KIAA1328: variants seen among roughly 807,000 people sequenced by gnomAD.
The protein encoded by KIAA1328 is protein hinderin.
Under a neutral mutation model 68.1 loss-of-function variants are expected in KIAA1328, and 52 were observed. The observed-to-expected ratio is 0.76, with a 90% CI of 0.61 to 0.96. The LOEUF is 0.96. KIAA1328 is among the 40% of genes least tolerant of loss of function. The pLI is 0.00. For synonymous variants in KIAA1328, 232 were observed against 239.4 expected, an observed-to-expected ratio of 0.97 and a Z score of 0.28; for missense variants, 641 against 677.6, an observed-to-expected ratio of 0.95 and a Z score of 0.60.
rs760642632 is a variant in KIAA1328 at position 36,835,394 on chromosome 18, C to T, written c.237+18C>T. ...ATGAACAGGTTAGTATTTTTTTCGT[C>T]TTTTTTTTTCCTTGCTCTCCAGTCT... On this transcript the variant is annotated intron_variant, in intron 3 of 9. Coordinates refer to ENST00000280020, the MANE Select transcript of KIAA1328 (RefSeq NM_020776.3). 6.3e-7 allele frequency: 1 copy of T among 1,580,050 alleles called. No individual in the cohort carries two copies. Among genetic ancestry groups the T allele is most frequent in the South Asian group, 1.2e-5 (1 of 86,572 alleles).
intron 9 of KIAA1328, among the ~76,000 whole-genome samples, chr18:37,205,874 T>G (rs571330752): frequency 6.6e-6 from 1 of 152,356 alleles, no homozygotes; most frequent in East Asian, 1.9e-4. Context: ...GGTAAAGGTT[T>G]ACTCAGGTTT....
intron 5 of KIAA1328, among the ~76,000 whole-genome samples, chr18:36,926,459 A>G (rs960843322): frequency 3.9e-5 from 6 of 152,028 alleles, no homozygotes; most frequent in African/African-American, 1.4e-4. Context: ...CCATTCTCAC[A>G]CATCGTATCA....
chr18:36,831,348 A>T (rs1182890315), intron 1 of KIAA1328, among the ~76,000 whole-genome samples: 2 of 152,092 alleles, frequency 1.3e-5, no homozygotes, highest in Non-Finnish European at 2.9e-5. Flanking sequence ...TCTCCTGCAC[A>T]GTATGATTCA....
At chr18:36,966,352 C>T (rs1174461923) in intron 6 of KIAA1328, among the ~76,000 whole-genome samples, 1 of 152,134 alleles carries the variant, frequency 6.6e-6, no homozygotes, top group Non-Finnish European at 1.5e-5. Context: ...ATGTGTATTT[C>T]CTTTTCCTTA....
chr18:36,972,652 A>G (rs2052274984), intron 6 of KIAA1328, among the ~76,000 whole-genome samples: 1 of 152,240 alleles, frequency 6.6e-6, no homozygotes, highest in South Asian at 2.1e-4. Context: ...TACATAAAAA[A>G]GAAACAGCAA....
intron 5 of KIAA1328, among the ~76,000 whole-genome samples, chr18:36,928,945 T>G (rs758957926): frequency 3.9e-5 from 6 of 152,218 alleles, no homozygotes; most frequent in Non-Finnish European, 5.9e-5. Context: ...TGCCTTAATT[T>G]CAAGTTCTTA....
chr18:36,982,179 CTG>C (rs2052722793), intron 6 of KIAA1328, among the ~76,000 whole-genome samples: 2 of 141,962 alleles, frequency 1.4e-5, no homozygotes, highest in Non-Finnish European at 3.0e-5. Context: ...ATATATATAA[CTG>C]GAGTTCCTGA....
chr18:37,030,005 A>G (rs1288505143), intron 6 of KIAA1328, among the ~76,000 whole-genome samples: 1 of 152,210 alleles, frequency 6.6e-6, no homozygotes, highest in Non-Finnish European at 1.5e-5. Context: ...TTCAGCATGC[A>G]TAACATTCCT....
intron 6 of KIAA1328, among the ~76,000 whole-genome samples, chr18:36,971,178 C>T (rs1228583726): frequency 6.6e-6 from 1 of 152,162 alleles, no homozygotes; most frequent in South Asian, 2.1e-4. Flanking sequence ...TTTGACAAAC[C>T]TGACAAAAGC....
At chr18:36,832,457 C>T (rs1015694572) in intron 1 of KIAA1328, among the ~76,000 whole-genome samples, 14 of 151,774 alleles carry the variant, frequency 9.2e-5, no homozygotes, top group East Asian at 1.9e-4. Flanking sequence ...GGTGTGGCGG[C>T]GGGCACCTGT....
intron 9 of KIAA1328, among the ~76,000 whole-genome samples, chr18:37,218,822 G>C (rs1298963148): frequency 6.6e-6 from 1 of 152,168 alleles, no homozygotes; most frequent in African/African-American, 2.4e-5. Context: ...CTGTCAACTT[G>C]TCAAAGTTAT....
At chr18:36,913,435 T>C (rs944416657) in intron 5 of KIAA1328, among the ~76,000 whole-genome samples, 4 of 149,148 alleles carry the variant, frequency 2.7e-5, no homozygotes, top group African/African-American at 9.8e-5. Context: ...GATAAGAGGC[T>C]CTTCCATAAA....
At chr18:37,056,314 A>G (rs953691022) in intron 6 of KIAA1328, among the ~76,000 whole-genome samples, 2 of 152,170 alleles carry the variant, frequency 1.3e-5, no homozygotes, top group African/African-American at 4.8e-5. Context: ...TGTATTTTTA[A>G]AATTATCTTA....
At chr18:37,219,766 C>T (rs2060521500) in intron 9 of KIAA1328, among the ~76,000 whole-genome samples, 2 of 152,170 alleles carry the variant, frequency 1.3e-5, no homozygotes, top group Non-Finnish European at 2.9e-5. Flanking sequence ...GGGAAGTCCC[C>T]CGACCCCTTG....
In KIAA1328 at chr18:37,222,382, C is replaced by A. The variant is rs1300700018; in HGVS notation, c.*155C>A. On this transcript the variant is annotated 3_prime_UTR_variant, in exon 10 of 10. Transcript: ENST00000280020. ...GTATTGAATATAGAAATCATTCTAA[C>A]AACCCAGGTTATTTTCAATCAGACC... 4.8e-6 allele frequency: 7 copies of A among 1,446,010 alleles called. No homozygotes were observed. Among genetic ancestry groups the A allele is most frequent in the Non-Finnish European group, 6.3e-6 (7 of 1,107,256 alleles). 89.6% of individuals were successfully genotyped at this position (1,446,010 alleles called of 1,614,324 possible).
chr18:36,958,256 T>C (rs1184874638), intron 5 of KIAA1328, among the ~76,000 whole-genome samples: 1 of 152,196 alleles, frequency 6.6e-6, no homozygotes, highest in African/African-American at 2.4e-5. Context: ...CCATGTTGAA[T>C]ATGTATATAC....
chr18:37,212,050 C>T (rs1450308031), intron 9 of KIAA1328, among the ~76,000 whole-genome samples: 1 of 151,750 alleles, frequency 6.6e-6, no homozygotes, highest in East Asian at 1.9e-4. Context: ...TTTTAAAAAA[C>T]ATTTAATGAT....
At chr18:37,172,913 G>A in intron 8 of KIAA1328, 60 bp from the exon 9 acceptor site, 1 of 1,263,564 alleles carries the variant, frequency 7.9e-7, no homozygotes. Context: ...TTTACTAAGA[G>A]TGAACTTTTC....
chr18:37,005,240 A>G (rs181614974), intron 6 of KIAA1328, among the ~76,000 whole-genome samples: 2 of 152,140 alleles, frequency 1.3e-5, no homozygotes, highest in East Asian at 3.9e-4. Context: ...TATAGAAACA[A>G]AAAATTTTGA....
Sources: gnomAD v4.1 joint callset for allele counts (sites outside exome capture counted in the v4.1 genomes callset) on GRCh38, gnomAD v4.1.1 for gene constraint, MANE v1.5 for transcripts, NCBI Gene and HGNC (gene_info 2026-07-23, HGNC 2026-07-21) for gene names.